GLRA2: variants seen among roughly 807,000 people sequenced by gnomAD.
GLRA2 encodes glycine receptor alpha 2.
In GLRA2, 11 loss-of-function variants were observed where a neutral mutation model predicts 31.6. The ratio of observed to expected loss-of-function variants is 0.35; its 90% CI spans 0.22 to 0.58. The LOEUF is 0.58. Ranked by LOEUF, GLRA2 falls within the 20% of genes least tolerant of loss-of-function variation. The pLI, the probability that GLRA2 is intolerant of heterozygous loss-of-function variation, is 0.84. For missense variants in GLRA2, 212 were observed against 351.8 expected (o/e 0.60, Z 3.18); for synonymous variants, 132 against 134.0 (o/e 0.99, Z 0.10).
chrX:14,455,269 T>A, the GLRA2 span, among the ~76,000 whole-genome samples: 1 of 111,989 alleles, frequency 8.9e-6, no homozygotes, highest in East Asian at 2.8e-4. Context: ...CTCTTCTGTT[T>A]GATTTATTTG....
chrX:14,587,727 A>C (rs1569503618), intron 4 of GLRA2, among the ~76,000 whole-genome samples: 1 of 111,493 alleles, frequency 9.0e-6, no homozygotes, highest in African/African-American at 3.3e-5. Context: ...ATTTTCTTCT[A>C]TTCTGTAACT....
At chrX:14,702,843 C>T (rs763816135) in intron 8 of GLRA2, among the ~76,000 whole-genome samples, 17 of 111,465 alleles carry the variant, frequency 1.5e-4, no homozygotes, top group African/African-American at 4.6e-4. Context: ...GAAAAGGTGG[C>T]TCCTCACAGC....
intron 7 of GLRA2, among the ~76,000 whole-genome samples, chrX:14,678,598 T>C (rs1165843647): frequency 9.0e-6 from 1 of 111,405 alleles, no homozygotes; most frequent in African/African-American, 3.3e-5. Context: ...AGAAGAAAGA[T>C]TTAAATGAGA....
chrX:14,498,393 A>G, the GLRA2 span, among the ~76,000 whole-genome samples: 2 of 111,608 alleles, frequency 1.8e-5, no homozygotes, highest in African/African-American at 3.2e-5. Context: ...ATTGAAGGAC[A>G]TAAAATGAGA....
chrX:14,509,031 C>CCT, the GLRA2 span, among the ~76,000 whole-genome samples: 12 of 111,850 alleles, frequency 1.1e-4, no homozygotes, highest in African/African-American at 3.9e-4. Context: ...TTCTCTCACT[C>CCT]CTCTCTAAAA....
At chrX:14,598,749 A>G (rs2090235749) in intron 4 of GLRA2, among the ~76,000 whole-genome samples, 1 of 112,163 alleles carries the variant, frequency 8.9e-6, no homozygotes, top group Non-Finnish European at 1.9e-5. Flanking sequence ...AAATTTTAGG[A>G]TACTGATTCA....
At chrX:14,462,599 A>T in the GLRA2 span, among the ~76,000 whole-genome samples, 1 of 110,739 alleles carries the variant, frequency 9.0e-6, no homozygotes, top group African/African-American at 3.3e-5. Flanking sequence ...CATTAATTTG[A>T]TCTTCAGTCA....
At chrX:14,680,683 T>C (rs1471058133) in intron 7 of GLRA2, among the ~76,000 whole-genome samples, 1 of 112,028 alleles carries the variant, frequency 8.9e-6, no homozygotes, top group Admixed American at 9.5e-5. Flanking sequence ...TCTAAATCCA[T>C]GTGAATAATG....
At chrX:14,662,303 C>G (rs2090999037) in intron 7 of GLRA2, among the ~76,000 whole-genome samples, 1 of 111,707 alleles carries the variant, frequency 9.0e-6, no homozygotes, top group Admixed American at 9.6e-5. Context: ...AATAAAAATT[C>G]ATGATCAACA....
chrX:14,563,177 G>A (rs758584688), intron 2 of GLRA2, among the ~76,000 whole-genome samples: 7 of 112,224 alleles, frequency 6.2e-5, no homozygotes, highest in Non-Finnish European at 1.3e-4. Flanking sequence ...TTCACCTTGG[G>A]CTGATCCCTA....
chrX:14,704,245 G>A (rs764878167), intron 8 of GLRA2, among the ~76,000 whole-genome samples: 2 of 112,468 alleles, frequency 1.8e-5, no homozygotes, highest in Non-Finnish European at 3.8e-5. Flanking sequence ...ATTGCTTTAT[G>A]TCCCTGAAAT....
chrX:14,714,380 G>C (rs1351310612), intron 8 of GLRA2, among the ~76,000 whole-genome samples: 2 of 111,298 alleles, frequency 1.8e-5, no homozygotes, highest in Non-Finnish European at 3.8e-5. Flanking sequence ...CAGTTCCCAA[G>C]AACAAATAAT....
chrX:14,454,182 A>ACACACACC, the GLRA2 span, among the ~76,000 whole-genome samples: 1 of 70,486 alleles, frequency 1.4e-5, no homozygotes, highest in Admixed American at 1.8e-4. Flanking sequence ...ACCCACACCC[A>ACACACACC]CACACCCACA....
At chrX:14,629,832 A>G (rs1314297995) in intron 7 of GLRA2, among the ~76,000 whole-genome samples, 1 of 111,562 alleles carries the variant, frequency 9.0e-6, no homozygotes. Flanking sequence ...CCCTTCTCAT[A>G]TAGTATAAGA....
At chrX:14,625,405 T>G (rs1302032115) in intron 7 of GLRA2, among the ~76,000 whole-genome samples, 3 of 111,497 alleles carry the variant, frequency 2.7e-5, no homozygotes, top group African/African-American at 9.8e-5. Context: ...GCTAGCTGGT[T>G]ATTTTGCTCG....
At chrX:14,665,505 T>C (rs2091029666) in intron 7 of GLRA2, among the ~76,000 whole-genome samples, 1 of 112,124 alleles carries the variant, frequency 8.9e-6, no homozygotes, top group Admixed American at 9.5e-5. Flanking sequence ...ATTGGAGAAT[T>C]GCTGAGGGTA....
the GLRA2 span, among the ~76,000 whole-genome samples, chrX:14,507,542 G>GC: frequency 9.1e-6 from 1 of 110,459 alleles, no homozygotes; most frequent in Non-Finnish European, 1.9e-5. Context: ...TTGAGAGTCA[G>GC]CCCTTAGAAA....
intron 2 of GLRA2, among the ~76,000 whole-genome samples, chrX:14,543,254 A>AG (rs2089432263): frequency 9.5e-6 from 1 of 105,737 alleles, no homozygotes; most frequent in Admixed American, 1.0e-4. Flanking sequence ...AAAAAAAAAA[A>AG]AAAAAAAGGA....
chrX:14,500,300 G>A, the GLRA2 span, among the ~76,000 whole-genome samples: 1 of 111,890 alleles, frequency 8.9e-6, no homozygotes, highest in Admixed American at 9.5e-5. Flanking sequence ...GTTTGCCTTG[G>A]TTCTAATACA....
Sources: gnomAD v4.1 joint callset for allele counts (sites outside exome capture counted in the v4.1 genomes callset) on GRCh38, gnomAD v4.1.1 for gene constraint, MANE v1.5 for transcripts, NCBI Gene and HGNC (gene_info 2026-07-23, HGNC 2026-07-21) for gene names.